Variants in CERT1 observed in about 807,000 individuals in gnomAD.
CERT1 encodes ceramide transporter 1.
A neutral mutation model predicts 87.9 loss-of-function variants in CERT1; 31 were observed. The observed-to-expected ratio is 0.35, with a 90% CI of 0.27 to 0.48. CERT1 has a LOEUF of 0.48. Among genes scored for constraint, CERT1 ranks in the 20% least tolerant of loss-of-function variants. The pLI is 0.99. For synonymous variants in CERT1, 289 were observed against 250.9 expected, an observed-to-expected ratio of 1.15 and a Z score of -1.44; for missense variants, 487 against 758.0, an observed-to-expected ratio of 0.64 and a Z score of 4.20.
chr5:75,409,418 A>T (rs999396361), intron 8 of CERT1, among the ~76,000 whole-genome samples: 1 of 152,256 alleles, frequency 6.6e-6, no homozygotes, highest in Admixed American at 6.5e-5. Context: ...AAAAGTAGCA[A>T]GAAAAAATTC....
At chr5:75,423,172 C>T (rs898089815) in intron 5 of CERT1, among the ~76,000 whole-genome samples, 3 of 152,200 alleles carry the variant, frequency 2.0e-5, no homozygotes, top group African/African-American at 7.2e-5. Context: ...ACCTGGTTAT[C>T]ACTGCATTCC....
At chr5:75,405,216 TTTC>T (rs768041645) in intron 8 of CERT1, among the ~76,000 whole-genome samples, 20 of 152,148 alleles carry the variant, frequency 1.3e-4, no homozygotes, top group Non-Finnish European at 2.5e-4. Flanking sequence ...TAGAATAGCA[TTTC>T]TTATGTTAAC....
intron 2 of CERT1, among the ~76,000 whole-genome samples, chr5:75,477,354 T>A (rs1036556914): frequency 6.6e-6 from 1 of 152,162 alleles, no homozygotes; most frequent in Non-Finnish European, 1.5e-5. Context: ...AAAGTCTGTA[T>A]GTAACACAGT....
At chr5:75,417,141 G>A (rs747054012) in intron 6 of CERT1, 108 bp from the exon 7 acceptor site, 4 of 883,432 alleles carry the variant, frequency 4.5e-6, no homozygotes, top group Non-Finnish European at 6.8e-6. Flanking sequence ...CAGGTTTTGG[G>A]ATTTTAATTT....
At chr5:75,492,693 GAACA>G (rs752994212) in intron 2 of CERT1, among the ~76,000 whole-genome samples, 7 of 151,960 alleles carry the variant, frequency 4.6e-5, no homozygotes, top group Non-Finnish European at 8.8e-5. Flanking sequence ...GAGATTGTTA[GAACA>G]AATAGCACAA....
intron 3 of CERT1, among the ~76,000 whole-genome samples, chr5:75,457,018 T>C (rs1218130459): frequency 6.6e-6 from 1 of 152,208 alleles, no homozygotes; most frequent in African/African-American, 2.4e-5. Flanking sequence ...ATCAACTGAT[T>C]AAGCCCTTAA....
rs147902627 is a variant in CERT1, at chr5:75,500,895, C to G, written c.231+5087G>C. Among the ~76,000 whole-genome samples, 317 of 152,268 alleles carry G rather than the reference C, an allele frequency of 2.1e-3. 1 individual carries two copies. In the East Asian group the frequency reaches 0.027, roughly 13 times the overall value. On this transcript the variant is annotated intron_variant, in intron 2 of 16. Coordinates refer to ENST00000643780, the MANE Select transcript of CERT1 (RefSeq NM_001379029.1). ...TTCAAAAATTTTTTACATCTGACTA[C>G]TATTTGGCACTTTCAAAATTTATGT...
intron 8 of CERT1, among the ~76,000 whole-genome samples, chr5:75,405,884 G>C (rs1483612263): frequency 6.7e-6 from 1 of 149,726 alleles, no homozygotes; most frequent in Non-Finnish European, 1.5e-5. Context: ...GGGGGGGGGG[G>C]GGTCTTGTAA....
chr5:75,462,776 G>A (rs1048309133), intron 2 of CERT1, among the ~76,000 whole-genome samples: 7 of 152,026 alleles, frequency 4.6e-5, no homozygotes, highest in African/African-American at 9.7e-5. Context: ...GGTGGATCAC[G>A]GGGTCAGGAG....
At chr5:75,484,106 T>G (rs886845023) in intron 2 of CERT1, among the ~76,000 whole-genome samples, 3 of 152,078 alleles carry the variant, frequency 2.0e-5, no homozygotes, top group Admixed American at 1.3e-4. Context: ...ATAGAGTTTT[T>G]ATGAATTCTC....
chr5:75,411,249 T>C lies in CERT1; in HGVS notation c.838-146A>G, dbSNP rs567286804. ...ACTCCTGTGAAAAATAAGAGTATTA[T>C]TCTGCCCAAGAAAACACTTTTCTCT... is the stretch of plus-strand genomic sequence containing the variant. On this transcript the variant is annotated intron_variant, in intron 7 of 16. Transcript: ENST00000643780. 25 of 584,340 alleles carry C rather than the reference T, an allele frequency of 4.3e-5. No individual in the cohort carries two copies. In the South Asian group the frequency reaches 4.9e-4, roughly 11 times the overall value. 36.2% of individuals were successfully genotyped at this position (584,340 alleles called of 1,614,324 possible).
chr5:75,405,013 C>A (rs146624095), intron 8 of CERT1, among the ~76,000 whole-genome samples: 16 of 150,236 alleles, frequency 1.1e-4, no homozygotes, highest in African/African-American at 3.6e-4. Context: ...AAGACTCAGT[C>A]TCAAACAACA....
intron 3 of CERT1, among the ~76,000 whole-genome samples, chr5:75,428,685 A>C (rs1016063872): frequency 6.6e-6 from 1 of 152,120 alleles, no homozygotes; most frequent in Non-Finnish European, 1.5e-5. Context: ...CTCAAAAAAA[A>C]AAAAAAAATA....
At chr5:75,429,962 A>G (rs73763099) in intron 3 of CERT1, among the ~76,000 whole-genome samples, 11,838 of 152,068 alleles carry the variant, frequency 0.078, 550 homozygotes, top group South Asian at 0.17. Context: ...AACAATCTCA[A>G]AGGAGGAGGA....
At chr5:75,468,142 G>A (rs1224795472) in intron 2 of CERT1, among the ~76,000 whole-genome samples, 1 of 152,184 alleles carries the variant, frequency 6.6e-6, no homozygotes, top group Non-Finnish European at 1.5e-5. Context: ...AGAGCCAGAT[G>A]GAGAAAGAGG....
chr5:75,411,177 T>C lies in CERT1; in HGVS notation c.838-74A>G, dbSNP rs924922774. 5 of 776,060 alleles carry C rather than the reference T, an allele frequency of 6.4e-6. No individual in the cohort carries two copies. In the African/African-American group the frequency reaches 7.1e-5, roughly 11 times the overall value. 48.1% of individuals were successfully genotyped at this position (776,060 alleles called of 1,614,324 possible). ...TACAATGAAGTCTTTTAGGTGGAAT[T>C]CCTCTACATTTCACTGAAATTTTAC... On this transcript the variant is annotated intron_variant, in intron 7 of 16. Transcript: ENST00000643780.
intron 11 of CERT1, among the ~76,000 whole-genome samples, chr5:75,394,882 G>A (rs1388668065): frequency 6.6e-6 from 1 of 152,078 alleles, no homozygotes; most frequent in East Asian, 1.9e-4. Flanking sequence ...AGGCACATAT[G>A]GATAAGTACA....
intron 3 of CERT1, among the ~76,000 whole-genome samples, chr5:75,458,637 T>C (rs530982995): frequency 2.0e-5 from 3 of 152,202 alleles, no homozygotes; most frequent in Non-Finnish European, 4.4e-5. Flanking sequence ...CCGCAACCTC[T>C]GCCTCCCGGA....
rs1447671571 is a variant in CERT1, at chr5:75,511,625, T to A, written c.-418A>T. On this transcript the variant is annotated 5_prime_UTR_variant, in exon 1 of 17. Coordinates refer to ENST00000643780, the MANE Select transcript of CERT1 (RefSeq NM_001379029.1). ...GCCGCCATCTTCCTGCCTGGCCCAC[T>A]ATTTACCCTCCCCTCCCCTGTCCTT... The A allele has an allele frequency of 1.8e-5, 27 of 1,481,974 alleles. No individual in the cohort carries two copies. The highest frequency in any genetic ancestry group is 1.4e-4 in the South Asian group (10 of 73,962). 91.8% of individuals were successfully genotyped at this position (1,481,974 alleles called of 1,614,324 possible).
Sources: gnomAD v4.1 joint callset for allele counts (sites outside exome capture counted in the v4.1 genomes callset) on GRCh38, gnomAD v4.1.1 for gene constraint, MANE v1.5 for transcripts, NCBI Gene and HGNC (gene_info 2026-07-23, HGNC 2026-07-21) for gene names.